The following ODAD2 variants were observed in gnomAD, a reference collection of about 807,000 sequenced individuals.
ODAD2 encodes the protein outer dynein arm-docking complex subunit 2.
ODAD2 carries 89 observed loss-of-function variants against 106.8 expected under a neutral mutation model. That is an observed-to-expected ratio of 0.83 (90% CI 0.70 to 0.99). The LOEUF (loss-of-function observed/expected upper bound fraction) is 0.99. Among genes scored for constraint, ODAD2 ranks in the 50% least tolerant of loss-of-function variants. The pLI, the probability that ODAD2 is intolerant of heterozygous loss-of-function variation, is 0.00. For missense variants in ODAD2, 1,168 were observed against 1,238.5 expected (o/e 0.94, Z 0.85); for synonymous variants, 404 against 436.2 (o/e 0.93, Z 0.92).
intron 19 of ODAD2, chr10:27,835,850 C>G (rs542231801): frequency 2.6e-5 from 4 of 151,374 alleles, no homozygotes; most frequent in Non-Finnish European, 4.4e-5. Flanking sequence ...CACTTGAACC[C>G]GGGAGGCAGG....
rs965316659 is a variant in ODAD2 at position 27,823,915 on chromosome 10, C to T, written c.3022-11290G>A. Reference sequence around the variant, plus strand: ...CAGCACTTTGGGAGGCCGAGGCGGGCGGATCACGAGGTCAGGAGATCGAGA... The same window carrying T: ...CAGCACTTTGGGAGGCCGAGGCGGGTGGATCACGAGGTCAGGAGATCGAGA... On this transcript the variant is annotated intron_variant, in intron 19 of 19. Coordinates refer to ENST00000305242, the MANE Select transcript of ODAD2 (RefSeq NM_018076.5). Among the ~76,000 whole-genome samples the T allele has an allele frequency of 3.3e-4, 48 of 144,594 alleles. 4 individuals carry two copies. The highest frequency in any genetic ancestry group is 8.3e-4 in the Admixed American group (12 of 14,488). The allele number at this position is 144,594 out of a possible 152,430, so 94.9% of individuals were successfully genotyped here.
rs1479607361 is a variant in ODAD2 at position 27,970,983 on chromosome 10, T to C, written c.1142+125A>G. ...CAAGACTCCATCTTAAATAAATAAA[T>C]AAATAAATAAATAAATAAATAAATA... On this transcript the variant is annotated intron_variant, in intron 8 of 19. Coordinates refer to ENST00000305242, the MANE Select transcript of ODAD2 (RefSeq NM_018076.5). 4 of 312,726 alleles carry C rather than the reference T, an allele frequency of 1.3e-5. 1 individual carries two copies. The highest frequency in any genetic ancestry group is 2.0e-5 in the Non-Finnish European group (4 of 198,908). 19.4% of individuals were successfully genotyped at this position (312,726 alleles called of 1,614,324 possible).
intron 17 of ODAD2, among the ~76,000 whole-genome samples, chr10:27,871,625 T>C (rs1275144416): frequency 1.3e-5 from 2 of 152,234 alleles, no homozygotes; most frequent in Admixed American, 1.3e-4. Context: ...CCTTTCCCCA[T>C]TTCCTATTTT....
chr10:27,984,967 T>C, intron 4 of ODAD2, 52 bp downstream of exon 4: 1 of 1,303,082 alleles, frequency 7.7e-7, no homozygotes, highest in Non-Finnish European at 1.1e-6. Context: ...TGGAGTTCAG[T>C]GGTGCAATCT....
intron 19 of ODAD2, among the ~76,000 whole-genome samples, chr10:27,838,050 T>C (rs900577201): frequency 6.6e-6 from 1 of 152,134 alleles, no homozygotes; most frequent in Non-Finnish European, 1.5e-5. Context: ...AAAAATGGAT[T>C]AATCCTGAAG....
chr10:27,926,581 A>G (rs1845274794), intron 16 of ODAD2, among the ~76,000 whole-genome samples: 1 of 152,170 alleles, frequency 6.6e-6, no homozygotes, highest in South Asian at 2.1e-4. Context: ...GTTAAGGTTA[A>G]GGGAAGCTGA....
At chr10:27,867,926 G>A (rs1840565116) in intron 17 of ODAD2, among the ~76,000 whole-genome samples, 1 of 151,466 alleles carries the variant, frequency 6.6e-6, no homozygotes, top group South Asian at 2.1e-4. Flanking sequence ...TCCAGCCTGG[G>A]TGACAGAGCA....
At chr10:27,963,710 T>C (rs1962094) in intron 9 of ODAD2, among the ~76,000 whole-genome samples, 2 of 151,914 alleles carry the variant, frequency 1.3e-5, no homozygotes, top group African/African-American at 4.8e-5. Context: ...GAAATGCTCA[T>C]GTTTTTGATT....
intron 17 of ODAD2, among the ~76,000 whole-genome samples, chr10:27,885,557 AATATAAATATATATAT>A (rs1842052737): frequency 1.2e-4 from 2 of 16,702 alleles, no homozygotes; most frequent in Non-Finnish European, 2.4e-4. Context: ...TAAATATATA[AATATAAATATATATAT>A]ATATAAATAT....
intron 19 of ODAD2, among the ~76,000 whole-genome samples, chr10:27,826,940 C>T (rs1310895856): frequency 6.6e-6 from 1 of 152,040 alleles, no homozygotes; most frequent in Non-Finnish European, 1.5e-5. Context: ...CTCAGCCAAA[C>T]TTTTCCAAGG....
In ODAD2 at chr10:27,935,165, C is replaced by A; in HGVS notation, c.2340G>T (p.Leu780Phe). 1 of 1,614,016 alleles carries A rather than the reference C, an allele frequency of 6.2e-7. No homozygotes were observed. Among genetic ancestry groups the A allele is most frequent in the East Asian group, 2.2e-5 (1 of 44,864 alleles). The change falls in exon 16 of 20, where the codon TTG becomes TTT. Residue 780 changes from leucine to phenylalanine, a missense_variant. Around this residue, in one of 3 missense-constraint regions of ODAD2, gnomAD observed 701 missense variants for 712.3 expected, o/e 0.98. Coordinates refer to ENST00000305242, the MANE Select transcript of ODAD2 (RefSeq NM_018076.5). ...EEVLVNVVGALGECCQERENR... is the reference protein window; with the variant it reads ...EEVLVNVVGAFGECCQERENR... ...TTTCACGTTCTTGGCAGCATTCTCC[C>A]AAGGCCCCAACCACATTCACAAGTA...
rs76888639 is a variant in ODAD2 at position 27,818,416 on chromosome 10, T to G, written c.3022-5791A>C. On this transcript the variant is annotated intron_variant, in intron 19 of 19. Coordinates refer to ENST00000305242, the MANE Select transcript of ODAD2 (RefSeq NM_018076.5). ...ATGAGTCCCTGTCTTGACTCCATTG[T>G]TATACAAAATATAGCAGAAAAACTC... 4.9e-3 allele frequency among the ~76,000 whole-genome samples: 740 copies of G among 152,276 alleles called. 8 individuals are homozygous for G. The highest frequency in any genetic ancestry group is 0.016 in the African/African-American group (685 of 41,554).
intron 10 of ODAD2, among the ~76,000 whole-genome samples, chr10:27,961,156 C>T (rs1350646679): frequency 6.6e-6 from 1 of 152,102 alleles, no homozygotes; most frequent in South Asian, 2.1e-4. Flanking sequence ...TAATTTTATT[C>T]TATGGGTTGA....
chr10:27,831,042 C>G (rs1837438873), intron 19 of ODAD2, among the ~76,000 whole-genome samples: 2 of 152,104 alleles, frequency 1.3e-5, no homozygotes. Context: ...AAAACACAGT[C>G]CAGCCCTGGA....
intron 10 of ODAD2, chr10:27,956,954 G>GT (rs1204798267): frequency 1.3e-5 from 2 of 152,026 alleles, no homozygotes; most frequent in African/African-American, 2.4e-5. Flanking sequence ...CCCTTCTCCT[G>GT]TTTCACAAAA....
intron 16 of ODAD2, among the ~76,000 whole-genome samples, chr10:27,918,738 G>C (rs942539608): frequency 1.1e-4 from 16 of 151,754 alleles, no homozygotes; most frequent in African/African-American, 3.6e-4. Context: ...GATTGTGGGG[G>C]GAAGTGAACT....
intron 10 of ODAD2, among the ~76,000 whole-genome samples, chr10:27,950,656 G>A (rs963854717): frequency 2.0e-5 from 3 of 151,640 alleles, no homozygotes; most frequent in African/African-American, 4.9e-5. Context: ...GTGTGATCTC[G>A]GCTCACTGCA....
At chr10:27,980,634 C>T (rs926769597) in intron 7 of ODAD2, among the ~76,000 whole-genome samples, 3 of 152,110 alleles carry the variant, frequency 2.0e-5, no homozygotes, top group African/African-American at 7.2e-5. Context: ...CCACTTCACA[C>T]TGACTACGAT....
intron 19 of ODAD2, chr10:27,813,419 T>A (rs1015935558): frequency 1.1e-4 from 16 of 152,368 alleles, no homozygotes; most frequent in East Asian, 3.9e-4. Flanking sequence ...TAATGCTTTC[T>A]GTCCTTCTTT....
Sources: gnomAD v4.1 joint callset for allele counts (sites outside exome capture counted in the v4.1 genomes callset) on GRCh38, gnomAD v4.1.1 for gene constraint, gnomAD v4.1.1 regional missense constraint, MANE v1.5 for transcripts, NCBI Gene and HGNC (gene_info 2026-07-23, HGNC 2026-07-21) for gene names.